CD86: variants seen among roughly 807,000 people sequenced by gnomAD.
The protein encoded by CD86 is T-lymphocyte activation antigen CD86.
A neutral mutation model predicts 32.1 loss-of-function variants in CD86; 11 were observed. The observed-to-expected ratio is 0.34, with a 90% CI of 0.22 to 0.57. The LOEUF (loss-of-function observed/expected upper bound fraction) is 0.57, where lower values mean the gene tolerates loss of function less well. Ranked by LOEUF, CD86 falls within the 20% of genes least tolerant of loss-of-function variation. CD86 has a pLI of 0.86. For synonymous variants in CD86, 137 were observed against 135.3 expected (o/e 1.01, Z -0.09); for missense variants, 359 against 398.4 (o/e 0.90, Z 0.84).
chr3:122,110,708 A>G (rs1230684605), intron 5 of CD86, among the ~76,000 whole-genome samples: 1 of 152,216 alleles, frequency 6.6e-6, no homozygotes, highest in East Asian at 1.9e-4. Flanking sequence ...GATTTCTATG[A>G]TATAAAAGTA....
At chr3:122,105,882 C>T (rs2073082970) in intron 3 of CD86, among the ~76,000 whole-genome samples, 1 of 152,128 alleles carries the variant, frequency 6.6e-6, no homozygotes, top group Admixed American at 6.5e-5. Context: ...CTTCTCCTTC[C>T]AAAGACTCTA....
intron 2 of CD86, among the ~76,000 whole-genome samples, chr3:122,100,181 A>G (rs929913636): frequency 3.3e-5 from 5 of 152,198 alleles, no homozygotes; most frequent in Non-Finnish European, 5.9e-5. Flanking sequence ...GAAGTCACCC[A>G]AATTGTTAGC....
At chr3:122,107,933 T>A (rs1352653113) in intron 4 of CD86, among the ~76,000 whole-genome samples, 1 of 152,242 alleles carries the variant, frequency 6.6e-6, no homozygotes, top group Non-Finnish European at 1.5e-5. Context: ...TTGCTTCTCC[T>A]GTATCCTCTC....
chr3:122,089,982 T>G (rs1432663324), intron 1 of CD86, among the ~76,000 whole-genome samples: 5 of 152,190 alleles, frequency 3.3e-5, no homozygotes, highest in Non-Finnish European at 7.4e-5. Context: ...TATGGGTCAA[T>G]GTTTTTGTTT....
At chr3:122,100,912 A>T (rs972071271) in intron 2 of CD86, among the ~76,000 whole-genome samples, 2 of 152,034 alleles carry the variant, frequency 1.3e-5, no homozygotes, top group Non-Finnish European at 2.9e-5. Flanking sequence ...TGGGGTCATA[A>T]AATGGAAGGC....
rs556537805 is a variant in CD86, at chr3:122,074,502, T to C, written c.15-17099T>C. On this transcript the variant is annotated intron_variant, in intron 1 of 6. Transcript: ENST00000330540. The stretch of plus-strand genomic sequence containing the variant: ...ATTATTTGTGGAAACTATTCTGTAT[T>C]AGAACTACCATCAGCACCGCCTCCT... Among the ~76,000 whole-genome samples, 16 of 152,340 alleles carry C rather than the reference T, an allele frequency of 1.1e-4. No individual in the cohort carries two copies. In the South Asian group the frequency reaches 3.1e-3, roughly 30 times the overall value.
intron 5 of CD86, 105 bp from the exon 6 acceptor site, chr3:122,117,940 CACA>C: frequency 1.1e-6 from 1 of 875,504 alleles, no homozygotes; most frequent in South Asian, 1.5e-5. Flanking sequence ...TATATAAAGT[CACA>C]ACAATTTCTC....
At chr3:122,109,800 C>G (rs2073145928) in intron 5 of CD86, among the ~76,000 whole-genome samples, 1 of 152,104 alleles carries the variant, frequency 6.6e-6, no homozygotes, top group Non-Finnish European at 1.5e-5. Flanking sequence ...TAAATGACCA[C>G]AAGAATCAGC....
At chr3:122,060,083 A>C (rs974349590) in intron 1 of CD86, among the ~76,000 whole-genome samples, 4 of 152,182 alleles carry the variant, frequency 2.6e-5, no homozygotes, top group Non-Finnish European at 4.4e-5. Flanking sequence ...AAACTAATAC[A>C]CTTGGTGAGA....
chr3:122,089,030 T>C (rs554713716), intron 1 of CD86, among the ~76,000 whole-genome samples: 1 of 152,332 alleles, frequency 6.6e-6, no homozygotes, highest in South Asian at 2.1e-4. Flanking sequence ...CATGCTACAA[T>C]GTGGATGGCC....
Position 122,072,561 on chromosome 3 carries a change from A to G in CD86, c.14+17058A>G, listed in dbSNP as rs992202904. ...AAGTGTCTGTTCATATCCCTTGCCC[A>G]CTTTTTGATGGGGTTGTTTGTTTTT... On this transcript the variant is annotated intron_variant, in intron 1 of 6. Transcript: ENST00000330540. Among the ~76,000 whole-genome samples the G allele has an allele frequency of 5.3e-5, 8 of 152,190 alleles. No homozygotes were observed. In the East Asian group the frequency reaches 1.2e-3, roughly 22 times the overall value.
At chr3:122,066,102 C>T (rs2072409104) in intron 1 of CD86, among the ~76,000 whole-genome samples, 1 of 152,168 alleles carries the variant, frequency 6.6e-6, no homozygotes, top group African/African-American at 2.4e-5. Context: ...AACAATCAGG[C>T]AGAGTAATCC....
intron 1 of CD86, among the ~76,000 whole-genome samples, chr3:122,067,702 T>G (rs2072434331): frequency 6.6e-6 from 1 of 152,168 alleles, no homozygotes; most frequent in South Asian, 2.1e-4. Context: ...CTAGTGCAAG[T>G]TAAGATTGTT....
chr3:122,083,635 C>G (rs1172992400), intron 1 of CD86, among the ~76,000 whole-genome samples: 3 of 152,134 alleles, frequency 2.0e-5, no homozygotes, highest in Non-Finnish European at 4.4e-5. Context: ...TTTTCTGTTC[C>G]TCATGCCATC....
chr3:122,062,649 G>C (rs1277368134), intron 1 of CD86, among the ~76,000 whole-genome samples: 1 of 152,120 alleles, frequency 6.6e-6, no homozygotes, highest in African/African-American at 2.4e-5. Context: ...AGCTAGTTTG[G>C]TTGGTATCAA....
chr3:122,064,041 C>G (rs752484040), intron 1 of CD86, among the ~76,000 whole-genome samples: 4 of 152,074 alleles, frequency 2.6e-5, no homozygotes, highest in Non-Finnish European at 5.9e-5. Context: ...CAAAACCATC[C>G]AAGGACAGAT....
intron 1 of CD86, among the ~76,000 whole-genome samples, chr3:122,071,604 T>C (rs2072489428): frequency 6.6e-6 from 1 of 152,128 alleles, no homozygotes; most frequent in Non-Finnish European, 1.5e-5. Context: ...AAGTCTTCAA[T>C]TCAATTGAGT....
At chr3:122,056,364 C>A (rs1426475250) in intron 1 of CD86, among the ~76,000 whole-genome samples, 3 of 152,090 alleles carry the variant, frequency 2.0e-5, no homozygotes, top group African/African-American at 7.2e-5. Context: ...GAAACAGAGT[C>A]TCGCTCTGTC....
chr3:122,103,902 A>T (rs2073050742), intron 3 of CD86, 55 bp downstream of exon 3: 1 of 1,410,208 alleles, frequency 7.1e-7, no homozygotes, highest in African/African-American at 1.4e-5. Context: ...TGAGACTGCA[A>T]ATGAGTTAGA....
Sources: gnomAD v4.1 joint callset for allele counts (sites outside exome capture counted in the v4.1 genomes callset) on GRCh38, gnomAD v4.1.1 for gene constraint, MANE v1.5 for transcripts, NCBI Gene and HGNC (gene_info 2026-07-23, HGNC 2026-07-21) for gene names.